Variants in PTPRD observed in about 807,000 individuals in gnomAD.
The protein encoded by PTPRD is receptor-type tyrosine-protein phosphatase delta.
PTPRD carries 34 observed loss-of-function variants against 214.5 expected under a neutral mutation model. The observed-to-expected ratio is 0.16, with a 90% confidence interval of 0.12 to 0.21. The LOEUF (loss-of-function observed/expected upper bound fraction) is 0.21, where lower values mean the gene tolerates loss of function less well. Ranked by LOEUF, PTPRD falls within the 10% of genes least tolerant of loss-of-function variation. The pLI is 1.00. For missense variants in PTPRD, 2,545 were observed against 2,398.7 expected (o/e 1.06, Z -1.27); for synonymous variants, 1,128 against 845.7 (o/e 1.33, Z -5.79).
At chr9:9,152,508 T>C (rs4742565) in intron 10 of PTPRD, among the ~76,000 whole-genome samples, 83,703 of 152,012 alleles carry the variant, frequency 0.55, 23,208 homozygotes, top group African/African-American at 0.6. Flanking sequence ...GTAATAACTA[T>C]ACAAGATTAA....
At chr9:8,832,486 G>A (rs1309196977) in intron 11 of PTPRD, among the ~76,000 whole-genome samples, 1 of 136,580 alleles carries the variant, frequency 7.3e-6, no homozygotes, top group African/African-American at 2.8e-5. Flanking sequence ...TGAATTACAA[G>A]TAAGAGAAAA....
intron 11 of PTPRD, among the ~76,000 whole-genome samples, chr9:8,869,521 T>A (rs941085366): frequency 1.3e-5 from 2 of 152,126 alleles, no homozygotes; most frequent in Non-Finnish European, 2.9e-5. Context: ...AGACCCTGAA[T>A]CAGAAACTCT....
intron 3 of PTPRD, among the ~76,000 whole-genome samples, chr9:10,087,157 T>G (rs1188934618): frequency 6.6e-6 from 1 of 150,594 alleles, no homozygotes; most frequent in Non-Finnish European, 1.5e-5. Flanking sequence ...TTTTAGAAAC[T>G]GAAAAGTAGT....
chr9:9,792,129 A>G (rs1410744801), intron 5 of PTPRD, among the ~76,000 whole-genome samples: 1 of 152,168 alleles, frequency 6.6e-6, no homozygotes, highest in Non-Finnish European at 1.5e-5. Context: ...TTTTTAAAAA[A>G]ATCACATTAC....
intron 8 of PTPRD, among the ~76,000 whole-genome samples, chr9:9,509,561 CAT>C (rs943760751): frequency 1.3e-5 from 2 of 151,564 alleles, no homozygotes; most frequent in African/African-American, 2.4e-5. Context: ...TGTTTTCCCA[CAT>C]ATGATTCCAT....
At chr9:10,298,398 C>T (rs1315165866) in intron 3 of PTPRD, among the ~76,000 whole-genome samples, 1 of 152,032 alleles carries the variant, frequency 6.6e-6, no homozygotes, top group Non-Finnish European at 1.5e-5. Context: ...ACGATATGAT[C>T]CTTGCCAAGC....
Position 8,773,662 on chromosome 9 carries a change from T to C in PTPRD, c.-103-39716A>G, listed in dbSNP as rs374748403. Among the ~76,000 whole-genome samples the C allele has an allele frequency of 5.3e-5, 8 of 152,348 alleles. No homozygotes were observed. In the South Asian group the frequency reaches 1.0e-3, roughly 20 times the overall value. On this transcript the variant is annotated intron_variant, in intron 11 of 45. Transcript: ENST00000381196. ...CTTAAAACACTTCATTGAATTCCCATCATTAAAATAAATTCCAAGCTCTTT... is the reference window on the plus strand; with the variant it reads ...CTTAAAACACTTCATTGAATTCCCACCATTAAAATAAATTCCAAGCTCTTT...
intron 11 of PTPRD, among the ~76,000 whole-genome samples, chr9:8,776,724 C>A (rs576452878): frequency 3.3e-5 from 5 of 150,684 alleles, no homozygotes; most frequent in African/African-American, 9.7e-5. Context: ...CATTCAGAAA[C>A]AAAGACATTT....
intron 5 of PTPRD, among the ~76,000 whole-genome samples, chr9:9,775,258 C>A (rs1314553273): frequency 6.6e-6 from 1 of 152,172 alleles, no homozygotes; most frequent in African/African-American, 2.4e-5. Flanking sequence ...GTACTGCTAA[C>A]ACAGACATAT....
At chr9:8,866,068 C>T (rs1361190347) in intron 11 of PTPRD, among the ~76,000 whole-genome samples, 1 of 152,078 alleles carries the variant, frequency 6.6e-6, no homozygotes, top group Non-Finnish European at 1.5e-5. Context: ...CATTCATTTG[C>T]CTGTAAACAT....
At chr9:9,982,347 T>G (rs528298381) in intron 4 of PTPRD, among the ~76,000 whole-genome samples, 1 of 152,182 alleles carries the variant, frequency 6.6e-6, no homozygotes, top group African/African-American at 2.4e-5. Context: ...AAATAGCATT[T>G]TTAGGGCACA....
intron 14 of PTPRD, among the ~76,000 whole-genome samples, chr9:8,608,916 G>A (rs1384539188): frequency 6.6e-6 from 1 of 152,078 alleles, no homozygotes; most frequent in Non-Finnish European, 1.5e-5. Flanking sequence ...AAGTGGTTGA[G>A]GCATTTTGCA....
chr9:8,337,203 G>A (rs1227550608), intron 43 of PTPRD, among the ~76,000 whole-genome samples: 1 of 152,134 alleles, frequency 6.6e-6, no homozygotes, highest in Non-Finnish European at 1.5e-5. Flanking sequence ...CAACCCAAAT[G>A]TCCATCAATG....
chr9:8,583,549 G>A (rs376232882), intron 14 of PTPRD, among the ~76,000 whole-genome samples: 1 of 152,162 alleles, frequency 6.6e-6, no homozygotes, highest in East Asian at 1.9e-4. Flanking sequence ...GTTGAAGAAT[G>A]ATACCAGTTA....
At chr9:9,009,527 G>T (rs1589728189) in intron 11 of PTPRD, among the ~76,000 whole-genome samples, 1 of 152,026 alleles carries the variant, frequency 6.6e-6, no homozygotes, top group South Asian at 2.1e-4. Flanking sequence ...ATTTAAAACT[G>T]GAAAGGAGGA....
intron 2 of PTPRD, among the ~76,000 whole-genome samples, chr9:10,357,998 C>T (rs1310395027): frequency 1.3e-5 from 2 of 152,222 alleles, no homozygotes; most frequent in Non-Finnish European, 2.9e-5. Context: ...TCCAGGTACT[C>T]CATAGTCAAA....
chr9:8,810,827 C>T (rs932884924), intron 11 of PTPRD, among the ~76,000 whole-genome samples: 10 of 152,110 alleles, frequency 6.6e-5, no homozygotes, highest in African/African-American at 2.2e-4. Context: ...ATGGGGTCTT[C>T]GTGAGGTCTC....
intron 9 of PTPRD, among the ~76,000 whole-genome samples, chr9:9,351,157 G>T (rs970764856): frequency 1.3e-5 from 2 of 151,938 alleles, no homozygotes; most frequent in African/African-American, 2.4e-5. Context: ...TCTTAGAAGG[G>T]CTGTTAACAA....
chr9:9,922,762 CAG>C (rs141327667), intron 5 of PTPRD, among the ~76,000 whole-genome samples: 6,070 of 151,862 alleles, frequency 0.04, 143 homozygotes, highest in Non-Finnish European at 0.056. Context: ...CTATTAAAAA[CAG>C]GGGGAATTTT....
Sources: gnomAD v4.1 joint callset for allele counts (sites outside exome capture counted in the v4.1 genomes callset) on GRCh38, gnomAD v4.1.1 for gene constraint, MANE v1.5 for transcripts, NCBI Gene and HGNC (gene_info 2026-07-23, HGNC 2026-07-21) for gene names.